CDK8: variants seen among roughly 807,000 people sequenced by gnomAD.
CDK8 encodes cyclin-dependent kinase 8.
A neutral mutation model predicts 71.5 loss-of-function variants in CDK8; 29 were observed. That is an observed-to-expected ratio of 0.41 (90% CI 0.30 to 0.55). CDK8 has a LOEUF of 0.55. Among genes scored for constraint, CDK8 ranks in the 20% least tolerant of loss-of-function variants. The probability of loss-of-function intolerance (pLI) is 0.37; values close to 1 mark genes in which losing one functional copy is unlikely to be tolerated. For missense variants in CDK8, 288 were observed against 572.6 expected, an observed-to-expected ratio of 0.50 and a Z score of 5.07; for synonymous variants, 161 against 192.1, an observed-to-expected ratio of 0.84 and a Z score of 1.34.
At chr13:26,346,763 C>A (rs1873476348) in intron 2 of CDK8, among the ~76,000 whole-genome samples, 1 of 152,190 alleles carries the variant, frequency 6.6e-6, no homozygotes, top group South Asian at 2.1e-4. Flanking sequence ...AATAATATAA[C>A]CTGAACTTAA....
At chr13:26,395,322 A>ATGCCTGTAATGTATTAC in intron 7 of CDK8, among the ~76,000 whole-genome samples, 1 of 151,836 alleles carries the variant, frequency 6.6e-6, no homozygotes, top group East Asian at 2.0e-4. Flanking sequence ...TGGTGGCTAC[A>ATGCCTGTAATGTATTAC]TGCCTGTAAT....
intron 1 of CDK8, among the ~76,000 whole-genome samples, chr13:26,333,378 G>C (rs1331309926): frequency 1.3e-5 from 2 of 152,144 alleles, no homozygotes; most frequent in Non-Finnish European, 2.9e-5. Flanking sequence ...GACCTCAGGT[G>C]ATCTGCCTGC....
chr13:26,361,764 T>C (rs9512191), intron 4 of CDK8, among the ~76,000 whole-genome samples: 138,924 of 139,344 alleles, frequency 1, 69,254 homozygotes, highest in Middle Eastern at 1. Flanking sequence ...AATTTTCTTT[T>C]TGTCTTTCTT....
intron 4 of CDK8, among the ~76,000 whole-genome samples, chr13:26,375,124 A>C (rs1362594539): frequency 3.9e-5 from 6 of 152,190 alleles, no homozygotes; most frequent in Non-Finnish European, 1.5e-5. Context: ...AGAAGGATGC[A>C]AACAATATAT....
In CDK8 at chr13:26,401,450, T is replaced by C. The variant is rs759071696; in HGVS notation, c.1111-16T>C. On this transcript the variant is annotated splice_polypyrimidine_tract_variant and intron_variant, in intron 11 of 12. Coordinates refer to ENST00000381527, the MANE Select transcript of CDK8 (RefSeq NM_001260.3). This position sits in a 1 kb window ranked among gnomAD's most constrained non-coding sequence, Gnocchi z 4.5. ...TTCTCCCTCTGAGCTGAACTTTTTC[T>C]GTTTAACCAATTGAGAAGAACCAGC... 6.2e-7 allele frequency: 1 copy of C among 1,614,146 alleles called. No individual in the cohort carries two copies. Among genetic ancestry groups the C allele is most frequent in the Non-Finnish European group, 8.5e-7 (1 of 1,179,984 alleles).
chr13:26,401,620 A>C lies in CDK8; in HGVS notation c.1265A>C (p.Tyr422Ser). 1 of 1,613,964 alleles carries C rather than the reference A, an allele frequency of 6.2e-7. No individual in the cohort carries two copies. Among genetic ancestry groups the C allele is most frequent in the Non-Finnish European group, 8.5e-7 (1 of 1,179,854 alleles). ...TSGGLIMTSD[Y>S]QRSNPHAAYP... ...GGTGGACTTATCATGACCTCAGACT[A>C]TCAGGTATTCCAAGTTTATTTTGTA... The change falls in exon 12 of 13, where the codon TAT (tyrosine) becomes TCT (serine). Residue 422 changes from tyrosine (Y) to serine (S), a missense_variant. This residue lies in a region of CDK8 where 76 missense variants were observed against 99.7 expected (regional missense o/e 0.76). Coordinates refer to ENST00000381527, the MANE Select transcript of CDK8 (RefSeq NM_001260.3). This position sits in a 1 kb window ranked among gnomAD's most constrained non-coding sequence, Gnocchi z 4.5.
intron 1 of CDK8, among the ~76,000 whole-genome samples, chr13:26,257,579 G>A (rs946686097): frequency 2.6e-5 from 4 of 152,144 alleles, no homozygotes; most frequent in African/African-American, 9.7e-5. Flanking sequence ...AACACTTAAA[G>A]AGTACTCAGT....
chr13:26,376,376 T>G (rs967595249), intron 4 of CDK8, among the ~76,000 whole-genome samples: 2 of 152,216 alleles, frequency 1.3e-5, no homozygotes, highest in Non-Finnish European at 1.5e-5. Context: ...TCTTCTTTCT[T>G]ACTTGACTCA....
At chr13:26,324,781 G>A (rs776273989) in intron 1 of CDK8, 1 of 858,228 alleles carries the variant, frequency 1.2e-6, no homozygotes, top group Non-Finnish European at 1.4e-6. Flanking sequence ...GAGTTGTTAA[G>A]GCAAATGACT....
intron 1 of CDK8, among the ~76,000 whole-genome samples, chr13:26,315,986 T>C (rs1874493786): frequency 6.6e-6 from 1 of 152,166 alleles, no homozygotes; most frequent in South Asian, 2.1e-4. Context: ...TTAGTTTCAG[T>C]CAATTTCACT....
intron 6 of CDK8, among the ~76,000 whole-genome samples, chr13:26,389,677 T>C (rs914486910): frequency 2.0e-5 from 3 of 152,058 alleles, no homozygotes; most frequent in South Asian, 4.2e-4. Context: ...AAATTTATAA[T>C]ATACACAAAC....
intron 1 of CDK8, among the ~76,000 whole-genome samples, chr13:26,323,256 C>T: frequency 6.6e-6 from 1 of 151,044 alleles, no homozygotes; most frequent in East Asian, 1.9e-4. Context: ...ATCTTCCTGG[C>T]TTCCTTTCTT....
Position 26,404,139 on chromosome 13 carries a change from C to T in CDK8, c.*58C>T, listed in dbSNP as rs1389060598. 21 of 1,594,290 alleles carry T rather than the reference C, an allele frequency of 1.3e-5. No individual in the cohort carries two copies. Among genetic ancestry groups the T allele is most frequent in the African/African-American group, 1.1e-4 (8 of 74,764 alleles). On this transcript the variant is annotated 3_prime_UTR_variant, in exon 13 of 13. Transcript: ENST00000381527. ...GAATGCTGCAGGGCTGACTGTGCAG[C>T]TCTCTGCGGGAACCTGGTATGGGCC...
chr13:26,322,745 C>G (rs961923646), intron 1 of CDK8, among the ~76,000 whole-genome samples: 2 of 152,106 alleles, frequency 1.3e-5, no homozygotes, highest in African/African-American at 2.4e-5. Context: ...TAGTCTTCTT[C>G]CCTCCAGTCT....
At chr13:26,318,308 T>A (rs926182041) in intron 1 of CDK8, among the ~76,000 whole-genome samples, 4 of 148,530 alleles carry the variant, frequency 2.7e-5, no homozygotes, top group South Asian at 2.1e-4. Context: ...GCTCTTGATT[T>A]AAAAAAAAAA....
At chr13:26,400,627 A>AG in intron 10 of CDK8, 77 bp downstream of exon 10, 1 of 867,846 alleles carries the variant, frequency 1.2e-6, no homozygotes, top group East Asian at 2.4e-5. Context: ...TCAGCTCTTA[A>AG]GTTGCTCCTC....
chr13:26,390,436 C>G (rs1027743121), intron 6 of CDK8, among the ~76,000 whole-genome samples: 1 of 152,124 alleles, frequency 6.6e-6, no homozygotes, highest in Non-Finnish European at 1.5e-5. Flanking sequence ...AGCTGAGTCA[C>G]TAAACCAAAG....
chr13:26,294,739 A>G lies in CDK8; in HGVS notation c.128+39970A>G, dbSNP rs1323205059. On this transcript the variant is annotated intron_variant, in intron 1 of 12. Transcript: ENST00000381527. The stretch of plus-strand genomic sequence containing the variant: ...TGTATATTGAGGTTCTTTGTTCATG[A>G]TAGTTTCTTTTTTGTTTTGTTTTGT... 2.0e-5 allele frequency among the ~76,000 whole-genome samples: 3 copies of G among 151,742 alleles called. No individual in the cohort carries two copies. In the East Asian group the frequency reaches 5.8e-4, roughly 29 times the overall value.
chr13:26,356,293 A>G (rs974960119), intron 4 of CDK8, among the ~76,000 whole-genome samples: 8 of 152,180 alleles, frequency 5.3e-5, no homozygotes, highest in African/African-American at 1.9e-4. Context: ...ATATTTCTCT[A>G]CGGTGAGGCA....
Sources: allele counts gnomAD v4.1 joint callset (sites outside exome capture counted in the v4.1 genomes callset), GRCh38; gene constraint gnomAD v4.1.1; regional missense constraint gnomAD v4.1.1; non-coding constraint Gnocchi (gnomAD v3.1); transcripts MANE v1.5; gene names NCBI Gene and HGNC (gene_info 2026-07-23, HGNC 2026-07-21).